Variants in CNTN5 observed in about 807,000 individuals in gnomAD.
CNTN5 encodes the protein contactin-5.
In CNTN5, 77 loss-of-function variants were observed where a neutral mutation model predicts 129.1. The observed-to-expected ratio is 0.60, with a 90% confidence interval of 0.50 to 0.72. The LOEUF (loss-of-function observed/expected upper bound fraction) is 0.72, where lower values mean the gene tolerates loss of function less well. Ranked by LOEUF, CNTN5 falls within the 30% of genes least tolerant of loss-of-function variation. CNTN5 has a pLI of 0.00. For synonymous variants in CNTN5, 509 were observed against 465.6 expected, an observed-to-expected ratio of 1.09 and a Z score of -1.20; for missense variants, 1,478 against 1,328.8, an observed-to-expected ratio of 1.11 and a Z score of -1.75.
chr11:99,516,902 C>G (rs1042814325), intron 2 of CNTN5, among the ~76,000 whole-genome samples: 2 of 151,966 alleles, frequency 1.3e-5, no homozygotes, highest in African/African-American at 4.8e-5. Flanking sequence ...TTAATCCCAA[C>G]AAGTGAAATA....
chr11:99,221,725 C>T (rs948172611), intron 1 of CNTN5, among the ~76,000 whole-genome samples: 11 of 151,786 alleles, frequency 7.2e-5, no homozygotes, highest in Non-Finnish European at 1.0e-4. Flanking sequence ...ATACTCATGC[C>T]TTTTGTATTA....
At chr11:99,571,351 A>G (rs1163100101) in intron 3 of CNTN5, among the ~76,000 whole-genome samples, 1 of 152,142 alleles carries the variant, frequency 6.6e-6, no homozygotes, top group Non-Finnish European at 1.5e-5. Flanking sequence ...AGAATAAGGG[A>G]GAGGTTAGAT....
intron 1 of CNTN5, among the ~76,000 whole-genome samples, chr11:99,254,795 A>G (rs1862293226): frequency 6.6e-6 from 1 of 152,000 alleles, no homozygotes; most frequent in African/African-American, 2.4e-5. Flanking sequence ...TTGACATCAT[A>G]AATTTTTCTC....
intron 16 of CNTN5, among the ~76,000 whole-genome samples, chr11:100,235,538 A>G (rs114991270): frequency 0.011 from 1,720 of 152,124 alleles, 27 homozygotes; most frequent in African/African-American, 0.039. Context: ...GAGCAGGGCC[A>G]AAGCAGCCCT....
At chr11:99,591,170 G>A (rs1180285472) in intron 3 of CNTN5, among the ~76,000 whole-genome samples, 1 of 151,940 alleles carries the variant, frequency 6.6e-6, no homozygotes, top group East Asian at 1.9e-4. Flanking sequence ...TTAGGCCCGT[G>A]TATCTTTTTG....
chr11:99,093,637 G>A (rs1281722129), intron 1 of CNTN5, among the ~76,000 whole-genome samples: 1 of 152,016 alleles, frequency 6.6e-6, no homozygotes, highest in Non-Finnish European at 1.5e-5. Context: ...TGTAGGAGCA[G>A]AAAGGCAATG....
chr11:99,136,077 G>A (rs4343002), intron 1 of CNTN5, among the ~76,000 whole-genome samples: 138,367 of 152,214 alleles, frequency 0.91, 63,149 homozygotes, highest in East Asian at 0.99. Context: ...CCTTCCTTTT[G>A]CCTTCTTCTT....
At chr11:99,178,595 T>G (rs1857896264) in intron 1 of CNTN5, among the ~76,000 whole-genome samples, 1 of 147,522 alleles carries the variant, frequency 6.8e-6, no homozygotes, top group Non-Finnish European at 1.5e-5. Context: ...GGTGTTTATA[T>G]CTATAATTAA....
At chr11:99,770,673 A>C (rs1237918228) in intron 3 of CNTN5, among the ~76,000 whole-genome samples, 1 of 151,938 alleles carries the variant, frequency 6.6e-6, no homozygotes, top group Non-Finnish European at 1.5e-5. Flanking sequence ...CCTTAGTCAA[A>C]TTTTTCTCTA....
chr11:99,930,796 A>AACACACACACACACACACACAC (rs59103010), intron 7 of CNTN5, among the ~76,000 whole-genome samples: 5 of 149,454 alleles, frequency 3.3e-5, no homozygotes, highest in African/African-American at 7.4e-5. Context: ...CATACACACA[A>AACACACACACACACACACACAC]ACACACACAC....
intron 2 of CNTN5, among the ~76,000 whole-genome samples, chr11:99,376,035 T>C (rs1940158366): frequency 6.6e-6 from 1 of 152,078 alleles, no homozygotes; most frequent in East Asian, 1.9e-4. Flanking sequence ...ATAATGAATA[T>C]ATCAAAAGCA....
intron 7 of CNTN5, among the ~76,000 whole-genome samples, chr11:99,920,422 C>G (rs902856091): frequency 6.6e-6 from 1 of 152,104 alleles, no homozygotes; most frequent in South Asian, 2.1e-4. Flanking sequence ...CATCTCTAAC[C>G]CAGACTCTGG....
intron 1 of CNTN5, among the ~76,000 whole-genome samples, chr11:99,317,590 C>T (rs1865394562): frequency 6.6e-6 from 1 of 151,640 alleles, no homozygotes; most frequent in African/African-American, 2.4e-5. Context: ...TAAGCGTATC[C>T]CTAACATTTT....
chr11:99,640,388 GA>G (rs1386820790), intron 3 of CNTN5, among the ~76,000 whole-genome samples: 1 of 152,148 alleles, frequency 6.6e-6, no homozygotes, highest in African/African-American at 2.4e-5. Flanking sequence ...AGGCAAAAGA[GA>G]AAATGAGGAA....
chr11:99,359,798 G>A (rs80246733), intron 2 of CNTN5, among the ~76,000 whole-genome samples: 4,711 of 152,006 alleles, frequency 0.031, 214 homozygotes, highest in African/African-American at 0.11. Context: ...CTTCTGAAAT[G>A]CAGTAGTACG....
chr11:100,154,578 G>A (rs571877300), intron 13 of CNTN5, among the ~76,000 whole-genome samples: 3 of 152,196 alleles, frequency 2.0e-5, no homozygotes, highest in Non-Finnish European at 2.9e-5. Context: ...TCTGGTTCTC[G>A]ATCCTTGAGG....
chr11:99,977,394 C>T (rs1443787386), intron 8 of CNTN5, among the ~76,000 whole-genome samples: 3 of 152,184 alleles, frequency 2.0e-5, no homozygotes, highest in Admixed American at 2.0e-4. Context: ...GGTGTCTTTA[C>T]AGCAATATCT....
intron 3 of CNTN5, among the ~76,000 whole-genome samples, chr11:99,622,940 C>T (rs1263522658): frequency 2.0e-5 from 3 of 152,072 alleles, no homozygotes; most frequent in Admixed American, 6.6e-5. Context: ...ACAGTCCTCT[C>T]GCTTTAACTT....
intron 8 of CNTN5, among the ~76,000 whole-genome samples, chr11:99,960,032 G>A (rs1019494614): frequency 1.3e-5 from 2 of 151,996 alleles, no homozygotes; most frequent in Non-Finnish European, 2.9e-5. Context: ...TAAATCTCAC[G>A]CTGGAGAGCC....
Sources: gnomAD v4.1 joint callset for allele counts (sites outside exome capture counted in the v4.1 genomes callset) on GRCh38, gnomAD v4.1.1 for gene constraint, MANE v1.5 for transcripts, NCBI Gene and HGNC (gene_info 2026-07-23, HGNC 2026-07-21) for gene names.